Variants in PLPP1 observed in about 807,000 individuals in gnomAD.
The protein encoded by PLPP1 is phospholipid phosphatase 1.
Under a neutral mutation model 31.2 loss-of-function variants are expected in PLPP1, and 24 were observed. The observed-to-expected ratio is 0.77, with a 90% CI of 0.56 to 1.08. PLPP1 has a LOEUF of 1.08. PLPP1 is among the 50% of genes least tolerant of loss of function. The pLI is 0.00. For missense variants in PLPP1, 319 were observed against 342.7 expected, an observed-to-expected ratio of 0.93 and a Z score of 0.55; for synonymous variants, 146 against 126.3, an observed-to-expected ratio of 1.16 and a Z score of -1.05.
At chr5:55,496,678 A>G (rs1291231301) in intron 1 of PLPP1, among the ~76,000 whole-genome samples, 3 of 152,190 alleles carry the variant, frequency 2.0e-5, no homozygotes, top group Admixed American at 2.0e-4. Flanking sequence ...CCACATACAT[A>G]TTTTGATCTT....
chr5:55,511,259 T>G (rs1753399956), intron 1 of PLPP1, among the ~76,000 whole-genome samples: 1 of 152,142 alleles, frequency 6.6e-6, no homozygotes, highest in African/African-American at 2.4e-5. Context: ...TGAGAGAGTT[T>G]GAGATGGACA....
chr5:55,488,370 G>T (rs755499155), intron 1 of PLPP1, among the ~76,000 whole-genome samples: 1 of 152,014 alleles, frequency 6.6e-6, no homozygotes, highest in Non-Finnish European at 1.5e-5. Flanking sequence ...ACTAGATTGG[G>T]TGTGGTGGCT....
At chr5:55,517,438 C>T (rs1249720927) in intron 1 of PLPP1, among the ~76,000 whole-genome samples, 1 of 152,162 alleles carries the variant, frequency 6.6e-6, no homozygotes, top group Non-Finnish European at 1.5e-5. Context: ...CTCAAGCGAC[C>T]TGCCCACCCC....
At chr5:55,487,501 T>C (rs1752799406) in intron 1 of PLPP1, among the ~76,000 whole-genome samples, 1 of 151,880 alleles carries the variant, frequency 6.6e-6, no homozygotes, top group Admixed American at 6.6e-5. Flanking sequence ...TGGCACCTTT[T>C]TGGATAGCTA....
intron 4 of PLPP1, among the ~76,000 whole-genome samples, chr5:55,430,753 A>T (rs1026429040): frequency 6.6e-6 from 1 of 152,218 alleles, no homozygotes; most frequent in Non-Finnish European, 1.5e-5. Context: ...AAATGTGTGA[A>T]ATCTCAGAAA....
chr5:55,445,908 C>G (rs1323261886), intron 3 of PLPP1, among the ~76,000 whole-genome samples: 1 of 151,908 alleles, frequency 6.6e-6, no homozygotes, highest in African/African-American at 2.4e-5. Flanking sequence ...CTTTTTTTCT[C>G]ATCGCTTTGA....
At chr5:55,503,756 G>A (rs536882299) in intron 1 of PLPP1, among the ~76,000 whole-genome samples, 74 of 143,774 alleles carry the variant, frequency 5.1e-4, no homozygotes, top group Non-Finnish European at 6.4e-4. Flanking sequence ...TCCAGCCTGG[G>A]CAACAGAGAG....
chr5:55,433,163 A>T (rs1323907788), intron 4 of PLPP1, among the ~76,000 whole-genome samples: 2 of 137,360 alleles, frequency 1.5e-5, no homozygotes, highest in Admixed American at 7.4e-5. Flanking sequence ...AAAAAAAAAA[A>T]ATACAAAAAA....
At chr5:55,500,976 G>C (rs1753129826) in intron 1 of PLPP1, among the ~76,000 whole-genome samples, 1 of 152,158 alleles carries the variant, frequency 6.6e-6, no homozygotes, top group South Asian at 2.1e-4. Flanking sequence ...ATATTAAGAA[G>C]ATTGAAACTA....
chr5:55,514,389 C>CAA (rs34915896), intron 1 of PLPP1, among the ~76,000 whole-genome samples: 1 of 143,478 alleles, frequency 7.0e-6, no homozygotes, highest in Non-Finnish European at 1.5e-5. Context: ...GACCTGGTCT[C>CAA]AAAAAAAAAA....
At chr5:55,502,521 G>A (rs1052806887) in intron 1 of PLPP1, among the ~76,000 whole-genome samples, 4 of 151,618 alleles carry the variant, frequency 2.6e-5, no homozygotes, top group Admixed American at 6.6e-5. Flanking sequence ...ACAATGTGTT[G>A]TCCAGTGCAG....
chr5:55,443,210 TATACAC>T (rs1459493403), intron 3 of PLPP1, among the ~76,000 whole-genome samples: 8 of 116,548 alleles, frequency 6.9e-5, no homozygotes, highest in African/African-American at 2.2e-4. Flanking sequence ...TATATATATA[TATACAC>T]ACACACACAC....
At chr5:55,500,638 G>A (rs1234590186) in intron 1 of PLPP1, among the ~76,000 whole-genome samples, 1 of 60,696 alleles carries the variant, frequency 1.6e-5, no homozygotes, top group Non-Finnish European at 5.1e-5. Context: ...TTATTCTGTG[G>A]GTAGCAGGGA....
chr5:55,443,370 C>T (rs1751680093), intron 3 of PLPP1, among the ~76,000 whole-genome samples: 1 of 151,272 alleles, frequency 6.6e-6, no homozygotes, highest in African/African-American at 2.4e-5. Flanking sequence ...GTTTAGTCTA[C>T]GTAAAGGAAG....
At chr5:55,532,802 C>T (rs1367196737) in intron 1 of PLPP1, among the ~76,000 whole-genome samples, 1 of 151,776 alleles carries the variant, frequency 6.6e-6, no homozygotes, top group Non-Finnish European at 1.5e-5. Context: ...ACTAAAAATA[C>T]GAAAGTTAGC....
chr5:55,428,097 C>T (rs1192435864), intron 4 of PLPP1, among the ~76,000 whole-genome samples: 7 of 152,152 alleles, frequency 4.6e-5, no homozygotes, highest in Admixed American at 4.6e-4. Context: ...CGCTCCAACA[C>T]TTCTAAGTGA....
chr5:55,446,299 ATCTTTCATTTTGTCATCCCTTTC>A (rs993203815), intron 3 of PLPP1, among the ~76,000 whole-genome samples: 4 of 152,150 alleles, frequency 2.6e-5, no homozygotes, highest in African/African-American at 9.7e-5. Flanking sequence ...CTTTAGGTGT[ATCTTTCATTTTGTCATCCCTTTC>A]ACTGTATCTA....
intron 1 of PLPP1, among the ~76,000 whole-genome samples, chr5:55,489,964 A>G: frequency 6.6e-6 from 1 of 152,208 alleles, no homozygotes; most frequent in African/African-American, 2.4e-5. Context: ...AAGATTTAGG[A>G]ATGAGAGCCA....
intron 1 of PLPP1, among the ~76,000 whole-genome samples, chr5:55,476,279 A>G (rs1579951120): frequency 6.6e-6 from 1 of 151,956 alleles, no homozygotes; most frequent in East Asian, 1.9e-4. Context: ...AGCCTCCCAA[A>G]GTGCTGGGAT....
Sources: allele counts gnomAD v4.1 joint callset (sites outside exome capture counted in the v4.1 genomes callset), GRCh38; gene constraint gnomAD v4.1.1; transcripts MANE v1.5; gene names NCBI Gene and HGNC (gene_info 2026-07-23, HGNC 2026-07-21).